ZNF560: variants seen among roughly 807,000 people sequenced by gnomAD.
ZNF560 encodes zinc finger protein 560.
Under a neutral mutation model 81.8 loss-of-function variants are expected in ZNF560, and 54 were observed. The observed-to-expected ratio is 0.66, with a 90% CI of 0.53 to 0.83. ZNF560 has a LOEUF of 0.83. Ranked by LOEUF, ZNF560 falls within the 40% of genes least tolerant of loss-of-function variation. The probability of loss-of-function intolerance (pLI) is 0.00; values close to 1 mark genes in which losing one functional copy is unlikely to be tolerated. For missense variants in ZNF560, 940 were observed against 932.4 expected (o/e 1.01, Z -0.11); for synonymous variants, 321 against 317.9 (o/e 1.01, Z -0.10).
intron 2 of ZNF560, among the ~76,000 whole-genome samples, chr19:9,486,823 C>T (rs900815038): frequency 4.6e-5 from 7 of 152,048 alleles, no homozygotes; most frequent in African/African-American, 1.4e-4. Flanking sequence ...TTGCTTTGTG[C>T]TAATAACTCT....
At chr19:9,501,687 T>C (rs2073634597), upstream of ZNF560, among the ~76,000 whole-genome samples, 1 of 151,082 alleles carries the variant, frequency 6.6e-6, no homozygotes, top group Non-Finnish European at 1.5e-5. Context: ...TTTGTAGAGA[T>C]GAGGTTTCGC....
chr19:9,472,888 A>G (rs924197825), intron 5 of ZNF560, among the ~76,000 whole-genome samples: 1 of 152,112 alleles, frequency 6.6e-6, no homozygotes, highest in Non-Finnish European at 1.5e-5. Context: ...GGTTTAAAAC[A>G]CTATGACACC....
chr19:9,476,779 A>G (rs1278256193), intron 2 of ZNF560, among the ~76,000 whole-genome samples: 1 of 152,150 alleles, frequency 6.6e-6, no homozygotes, highest in African/African-American at 2.4e-5. Context: ...TCTTTTCTTT[A>G]TAATTATCCA....
chr19:9,500,851 A>G (rs1186590593), upstream of ZNF560, among the ~76,000 whole-genome samples: 1 of 152,170 alleles, frequency 6.6e-6, no homozygotes, highest in Non-Finnish European at 1.5e-5. Context: ...CTGGGATTAC[A>G]GGTGTGAGCC....
rs1185943495 is a variant in ZNF560 at position 9,473,774 on chromosome 19, C to G, written c.157+425G>C. On this transcript the variant is annotated intron_variant, in intron 4 of 9. Coordinates refer to ENST00000301480, the MANE Select transcript of ZNF560 (RefSeq NM_152476.3). Reference sequence around the variant, plus strand: ...CATGCTTATGTGCACATTTACAAAGCAATAACCTTTTAGTCACAGAAATAA... The same window carrying G: ...CATGCTTATGTGCACATTTACAAAGGAATAACCTTTTAGTCACAGAAATAA... Among the ~76,000 whole-genome samples the G allele has an allele frequency of 5.3e-5, 8 of 152,020 alleles. No homozygotes were observed. The East Asian group carries it at 1.4e-3, about 26-fold the overall frequency.
At chr19:9,460,478 C>T in the ZNF560 span, among the ~76,000 whole-genome samples, 1 of 152,178 alleles carries the variant, frequency 6.6e-6, no homozygotes, top group African/African-American at 2.4e-5. Context: ...GCTGGACCCC[C>T]CAGTGGAGGT....
the ZNF560 span, among the ~76,000 whole-genome samples, chr19:9,505,981 T>A: frequency 7.7e-4 from 84 of 109,388 alleles, no homozygotes; most frequent in South Asian, 6.4e-3. Context: ...ATATTTACTT[T>A]CTTTCTTTCT....
chr19:9,474,643 T>A (rs538925438), intron 3 of ZNF560, among the ~76,000 whole-genome samples: 2 of 152,182 alleles, frequency 1.3e-5, no homozygotes, highest in Admixed American at 6.5e-5. Flanking sequence ...ATATACTTGA[T>A]AAACAGCGAT....
At chr19:9,449,293 C>A in the ZNF560 span, among the ~76,000 whole-genome samples, 1 of 152,196 alleles carries the variant, frequency 6.6e-6, no homozygotes, top group Non-Finnish European at 1.5e-5. Context: ...TCATACCAAC[C>A]ATACTCTCAG....
At chr19:9,454,524 C>T in the ZNF560 span, among the ~76,000 whole-genome samples, 105 of 152,196 alleles carry the variant, frequency 6.9e-4, no homozygotes, top group South Asian at 2.7e-3. Flanking sequence ...AAGGGGAGCT[C>T]GGAAGCATCA....
At chr19:9,457,414 C>G in the ZNF560 span, among the ~76,000 whole-genome samples, 1 of 152,160 alleles carries the variant, frequency 6.6e-6, no homozygotes, top group Admixed American at 6.5e-5. Flanking sequence ...GGCTGCTAAG[C>G]GTTTTAATTG....
chr19:9,501,032 A>T (rs1341530543), upstream of ZNF560, among the ~76,000 whole-genome samples: 2 of 152,002 alleles, frequency 1.3e-5, no homozygotes, highest in Non-Finnish European at 2.9e-5. Context: ...GCATTCCTAG[A>T]TAAATCTCAC....
intron 7 of ZNF560, chr19:9,470,019 G>T: frequency 2.3e-6 from 1 of 427,524 alleles, no homozygotes; most frequent in South Asian, 4.4e-5. Flanking sequence ...GAAACTAATG[G>T]AAGCTCAAAG....
At chr19:9,473,157 G>T (rs767631842) in intron 5 of ZNF560, 22 bp downstream of exon 5, 5 of 1,603,616 alleles carry the variant, frequency 3.1e-6, no homozygotes, top group Non-Finnish European at 3.4e-6. Flanking sequence ...ACTGACCAAG[G>T]TTGTTCTTCA....
At chr19:9,483,720 G>A (rs563022011) in intron 2 of ZNF560, among the ~76,000 whole-genome samples, 14 of 151,364 alleles carry the variant, frequency 9.2e-5, no homozygotes, top group African/African-American at 3.2e-4. Context: ...GAGGTGGGGG[G>A]CGCCTCTGCC....
Position 9,474,206 on chromosome 19 carries a change from G to A in ZNF560, c.150C>T (p.Ala50=), listed in dbSNP as rs1477853005. The change falls in exon 4 of 10, where the codon GCC becomes GCT. Residue 50 remains alanine (A), a synonymous_variant. Coordinates refer to ENST00000301480, the MANE Select transcript of ZNF560 (RefSeq NM_152476.3). ...AAATGATGGCAGTCTTACCTACTTT[G>A]GCCACGTTCTCATAATTCTCCAGCA... ...DVMLENYENV[A]KVGFQLFKPS... is the part of the protein sequence containing the mutation. The A allele has an allele frequency of 6.2e-7, 1 of 1,613,988 alleles. No individual in the cohort carries two copies. Among genetic ancestry groups the A allele is most frequent in the Admixed American group, 1.7e-5 (1 of 60,002 alleles).
intron 2 of ZNF560, among the ~76,000 whole-genome samples, chr19:9,485,474 T>C (rs1320612669): frequency 7.0e-6 from 1 of 142,966 alleles, no homozygotes; most frequent in Non-Finnish European, 1.5e-5. Flanking sequence ...ACCACTGCAC[T>C]CCAGCCTGGA....
intron 7 of ZNF560, 85 bp from the exon 8 acceptor site, chr19:9,469,795 A>T: frequency 1.7e-6 from 2 of 1,169,336 alleles, no homozygotes; most frequent in Non-Finnish European, 1.3e-6. Context: ...TACGTTTCTA[A>T]TTAAAGCAGT....
upstream of ZNF560, among the ~76,000 whole-genome samples, chr19:9,501,263 C>A (rs370150632): frequency 8.7e-5 from 13 of 148,590 alleles, no homozygotes; most frequent in South Asian, 2.8e-3. Flanking sequence ...CAGGCTCAAG[C>A]CATCCTCCCA....
Sources: allele counts gnomAD v4.1 joint callset (sites outside exome capture counted in the v4.1 genomes callset), GRCh38; gene constraint gnomAD v4.1.1; transcripts MANE v1.5; gene names NCBI Gene and HGNC (gene_info 2026-07-23, HGNC 2026-07-21).